Variants in LVRN observed in about 807,000 individuals in gnomAD.
LVRN encodes laeverin.
In LVRN, 99 loss-of-function variants were observed where a neutral mutation model predicts 111.4. That is an observed-to-expected ratio of 0.89 (90% confidence interval 0.76 to 1.05). LVRN has a LOEUF of 1.05. Ranked by LOEUF, LVRN falls within the 50% of genes least tolerant of loss-of-function variation. The pLI, the probability that LVRN is intolerant of heterozygous loss-of-function variation, is 0.00. For missense variants in LVRN, 1,414 were observed against 1,206.8 expected (o/e 1.17, Z -2.54); for synonymous variants, 488 against 449.5 (o/e 1.09, Z -1.08).
intron 7 of LVRN, 120 bp from the exon 8 acceptor site, chr5:116,000,313 T>C: frequency 1.5e-6 from 2 of 1,357,736 alleles, no homozygotes; most frequent in Non-Finnish European, 2.1e-6. Flanking sequence ...ATTCAAACAT[T>C]CAACTAAAAT....
chr5:116,008,605 T>A (rs1427277483), intron 13 of LVRN, among the ~76,000 whole-genome samples: 1 of 148,486 alleles, frequency 6.7e-6, no homozygotes, highest in Non-Finnish European at 1.5e-5. Context: ...CATGAATGAT[T>A]AAAAAAAAAA....
intron 6 of LVRN, among the ~76,000 whole-genome samples, chr5:115,999,388 T>C (rs149879624): frequency 6.6e-6 from 1 of 152,280 alleles, no homozygotes; most frequent in African/African-American, 2.4e-5. Flanking sequence ...AGAGACTGAT[T>C]AATTTTAAGG....
At chr5:115,968,683 G>A (rs1176419321) in intron 1 of LVRN, among the ~76,000 whole-genome samples, 1 of 152,144 alleles carries the variant, frequency 6.6e-6, no homozygotes, top group Non-Finnish European at 1.5e-5. Context: ...GGGGAAGACA[G>A]AGAAAAGAAC....
At position 115,983,375 on chromosome 5, in the gene LVRN, A is replaced by G; in HGVS notation, c.784A>G (p.Ile262Val). 1 of 1,610,836 alleles carries G rather than the reference A, an allele frequency of 6.2e-7. No homozygotes were observed. The change falls in exon 2 of 20, where the codon ATT becomes GTT. Residue 262 changes from isoleucine (I) to valine (V), a missense_variant. Coordinates refer to ENST00000357872, the MANE Select transcript of LVRN (RefSeq NM_173800.5). The stretch of plus-strand genomic sequence containing the variant: ...GCCAGCTCTGAAGGCAACTTTTAAT[A>G]TTACAATGATTCATCATCCAAGTTA... ...DEPALKATFN[I>V]TMIHHPSYVA... is the part of the protein sequence containing the mutation.
intron 1 of LVRN, chr5:115,975,126 A>C (rs1312280357): frequency 4.8e-6 from 2 of 412,798 alleles, no homozygotes; most frequent in Non-Finnish European, 4.7e-6. Flanking sequence ...GGCTCTTTCA[A>C]ATAAGATTGT....
At chr5:115,981,412 G>C (rs983284691) in intron 1 of LVRN, among the ~76,000 whole-genome samples, 1 of 152,120 alleles carries the variant, frequency 6.6e-6, no homozygotes, top group Non-Finnish European at 1.5e-5. Context: ...TCTGTGGTCA[G>C]CTGTAGCCCC....
At chr5:115,993,626 C>A in intron 5 of LVRN, 115 bp from the exon 6 acceptor site, 3 of 667,500 alleles carry the variant, frequency 4.5e-6, no homozygotes, top group Non-Finnish European at 7.5e-6. Context: ...TTATTGATGG[C>A]AAATAAATTT....
intron 18 of LVRN, among the ~76,000 whole-genome samples, chr5:116,018,612 C>T (rs1470430917): frequency 2.0e-5 from 3 of 151,862 alleles, no homozygotes; most frequent in Non-Finnish European, 4.4e-5. Flanking sequence ...GTGCAGGTTG[C>T]AGTGAGCCGA....
At chr5:116,003,874 C>G (rs1399660720) in intron 12 of LVRN, among the ~76,000 whole-genome samples, 5 of 152,168 alleles carry the variant, frequency 3.3e-5, no homozygotes, top group African/African-American at 1.2e-4. Context: ...AGCCACCGCG[C>G]CGGCCAAATG....
intron 18 of LVRN, among the ~76,000 whole-genome samples, chr5:116,018,234 G>T (rs895657016): frequency 2.0e-5 from 3 of 152,104 alleles, no homozygotes; most frequent in African/African-American, 7.2e-5. Context: ...GTAAACAAAA[G>T]AACTTGAATT....
At chr5:115,983,868 T>C (rs1464897126) in intron 2 of LVRN, among the ~76,000 whole-genome samples, 1 of 152,192 alleles carries the variant, frequency 6.6e-6, no homozygotes, top group Non-Finnish European at 1.5e-5. Flanking sequence ...CTAACAACAC[T>C]GGACCTACAG....
chr5:116,013,095 G>C (rs1748524934), intron 15 of LVRN, among the ~76,000 whole-genome samples: 1 of 152,148 alleles, frequency 6.6e-6, no homozygotes, highest in Admixed American at 6.6e-5. Context: ...TCTAGATATA[G>C]GGAGGGACTC....
At chr5:115,994,056 G>A (rs1450986623) in intron 6 of LVRN, among the ~76,000 whole-genome samples, 2 of 151,200 alleles carry the variant, frequency 1.3e-5, no homozygotes, top group African/African-American at 4.9e-5. Flanking sequence ...TTGAAGGTGG[G>A]AATTACATAA....
chr5:115,971,661 T>C (rs1753330793), intron 1 of LVRN, among the ~76,000 whole-genome samples: 1 of 152,152 alleles, frequency 6.6e-6, no homozygotes, highest in Non-Finnish European at 1.5e-5. Context: ...TTGTCTAGTC[T>C]GTTCTATTGA....
At chr5:115,996,010 T>G (rs1233221996) in intron 6 of LVRN, among the ~76,000 whole-genome samples, 2 of 152,124 alleles carry the variant, frequency 1.3e-5, no homozygotes, top group Non-Finnish European at 2.9e-5. Context: ...TTGTCTTAGC[T>G]CTCTCCAACA....
chr5:116,023,009 G>A (rs1748764897), intron 19 of LVRN, among the ~76,000 whole-genome samples: 1 of 152,120 alleles, frequency 6.6e-6, no homozygotes, highest in Non-Finnish European at 1.5e-5. Context: ...CACATTTTCT[G>A]GATTTCAGAA....
At chr5:116,011,017 A>ATCTCTTTTCTTCTTTGTTTGT in intron 14 of LVRN, 123 bp downstream of exon 14, 1 of 308,156 alleles carries the variant, frequency 3.2e-6, no homozygotes, top group Non-Finnish European at 5.5e-6. Flanking sequence ...ATATATATAT[A>ATCTCTTTTCTTCTTTGTTTGT]TATATATATG....
At chr5:116,002,731 G>A in intron 10 of LVRN, 104 bp from the exon 11 acceptor site, 1 of 811,312 alleles carries the variant, frequency 1.2e-6, no homozygotes. Flanking sequence ...AATGACCAAA[G>A]AAACTGAGTT....
intron 11 of LVRN, 127 bp downstream of exon 11, chr5:116,003,038 TAG>T: frequency 1.1e-6 from 1 of 942,944 alleles, no homozygotes; most frequent in South Asian, 1.8e-5. Flanking sequence ...TTGTAGAGCA[TAG>T]AGTTTTAAAG....
Sources: gnomAD v4.1 joint callset for allele counts (sites outside exome capture counted in the v4.1 genomes callset) on GRCh38, gnomAD v4.1.1 for gene constraint, MANE v1.5 for transcripts, NCBI Gene and HGNC (gene_info 2026-07-23, HGNC 2026-07-21) for gene names.